FBXL7: variants seen among roughly 807,000 people sequenced by gnomAD.
FBXL7 encodes F-box and leucine rich repeat protein 7.
FBXL7 carries 12 observed loss-of-function variants against 38.3 expected under a neutral mutation model. That is an observed-to-expected ratio of 0.31 (90% CI 0.20 to 0.51). The LOEUF is 0.51. Among genes scored for constraint, FBXL7 ranks in the 20% least tolerant of loss-of-function variants. The pLI is 0.98. For missense variants in FBXL7, 567 were observed against 676.4 expected, an observed-to-expected ratio of 0.84 and a Z score of 1.79; for synonymous variants, 297 against 300.9, an observed-to-expected ratio of 0.99 and a Z score of 0.13.
At chr5:15,694,640 T>C (rs1327928081) in intron 2 of FBXL7, among the ~76,000 whole-genome samples, 1 of 152,228 alleles carries the variant, frequency 6.6e-6, no homozygotes, top group Non-Finnish European at 1.5e-5. Context: ...CACAGGAATA[T>C]AAGCTATTCT....
At chr5:15,920,455 G>A (rs1317196305) in intron 2 of FBXL7, among the ~76,000 whole-genome samples, 1 of 152,134 alleles carries the variant, frequency 6.6e-6, no homozygotes, top group Non-Finnish European at 1.5e-5. Context: ...GTCTATTGCT[G>A]TATATTCCTT....
chr5:15,728,091 T>A (rs1365065731), intron 2 of FBXL7, among the ~76,000 whole-genome samples: 1 of 152,190 alleles, frequency 6.6e-6, no homozygotes, highest in African/African-American at 2.4e-5. Flanking sequence ...ATATCTTTGT[T>A]GACATTTTCA....
chr5:15,815,626 A>G (rs2126758359), intron 2 of FBXL7, among the ~76,000 whole-genome samples: 1 of 152,316 alleles, frequency 6.6e-6, no homozygotes, highest in Non-Finnish European at 1.5e-5. Flanking sequence ...AGGACAGGAC[A>G]ATTTTGTGAG....
intron 1 of FBXL7, among the ~76,000 whole-genome samples, chr5:15,511,744 CTG>C (rs1207995418): frequency 1.3e-5 from 2 of 152,246 alleles, no homozygotes; most frequent in East Asian, 3.9e-4. Context: ...GGTGAGGAAA[CTG>C]AGGTCTTGGC....
intron 2 of FBXL7, among the ~76,000 whole-genome samples, chr5:15,619,900 C>A (rs1226166814): frequency 6.6e-6 from 1 of 152,142 alleles, no homozygotes; most frequent in African/African-American, 2.4e-5. Context: ...TGGTAGCTAA[C>A]CACACAGGTG....
At chr5:15,857,325 CATT>C (rs1739301013) in intron 2 of FBXL7, among the ~76,000 whole-genome samples, 1 of 152,114 alleles carries the variant, frequency 6.6e-6, no homozygotes, top group Non-Finnish European at 1.5e-5. Context: ...ATTTTAAACT[CATT>C]TAATTCTCAT....
At position 15,936,947 on chromosome 5, in the gene FBXL7, C is replaced by G. The variant is rs1283860199; in HGVS notation, c.1237C>G (p.Pro413Ala). 1.2e-6 allele frequency: 2 copies of G among 1,613,948 alleles called. No homozygotes were observed. Among genetic ancestry groups the G allele is most frequent in the African/African-American group, 2.7e-5 (2 of 74,950 alleles). ...CAAATCCCTGGATATCGGCAAATGC[C>G]CTTTGGTATCCGACACGGGCCTGGA... The part of the protein sequence containing the change: ...KLKSLDIGKC[P>A]LVSDTGLECL... Residue 413 changes from proline to alanine, a missense_variant, in exon 4 of 4, where the codon CCT becomes GCT. Pro to Ala is a conservative substitution (Grantham distance 27). Coordinates refer to ENST00000504595, the MANE Select transcript of FBXL7 (RefSeq NM_012304.5). The surrounding 1 kb of genome is among the most constrained non-coding windows in gnomAD (Gnocchi z 6.0).
rs117548314 is a variant in FBXL7 at position 15,669,751 on chromosome 5, A to G, written c.127+53679A>G. On this transcript the variant is annotated intron_variant, in intron 2 of 3. Transcript: ENST00000504595. ...CAGAGGACACAAACTAACACATACA[A>G]TGATCATTATTAATGTTAATGTGGA... Among the ~76,000 whole-genome samples the G allele has an allele frequency of 2.4e-4, 36 of 152,296 alleles. No homozygotes were observed. In the East Asian group the frequency reaches 6.0e-3, roughly 25 times the overall value.
chr5:15,904,368 G>A (rs769896404), intron 2 of FBXL7, among the ~76,000 whole-genome samples: 1 of 152,120 alleles, frequency 6.6e-6, no homozygotes, highest in African/African-American at 2.4e-5. Context: ...TTTGATTACA[G>A]AGCAATGCCA....
chr5:15,519,672 T>C (rs1737045339), intron 1 of FBXL7, among the ~76,000 whole-genome samples: 1 of 152,172 alleles, frequency 6.6e-6, no homozygotes, highest in African/African-American at 2.4e-5. Flanking sequence ...ATGAAAAATC[T>C]GAGAAAGAGT....
intron 1 of FBXL7, among the ~76,000 whole-genome samples, chr5:15,527,766 G>T (rs899038990): frequency 6.6e-6 from 1 of 152,138 alleles, no homozygotes; most frequent in Non-Finnish European, 1.5e-5. Context: ...TCGTAAAGTC[G>T]CAGGGAACTG....
At chr5:15,682,100 T>C (rs1314698411) in intron 2 of FBXL7, among the ~76,000 whole-genome samples, 1 of 152,178 alleles carries the variant, frequency 6.6e-6, no homozygotes, top group Non-Finnish European at 1.5e-5. Flanking sequence ...ACCAAGGTGG[T>C]CAGAGGCAGG....
chr5:15,904,935 A>T (rs1741319874), intron 2 of FBXL7, among the ~76,000 whole-genome samples: 2 of 152,188 alleles, frequency 1.3e-5, no homozygotes, highest in African/African-American at 4.8e-5. Flanking sequence ...GATGAGCCAG[A>T]ATCCACCATT....
intron 1 of FBXL7, among the ~76,000 whole-genome samples, chr5:15,560,087 A>T (rs931989748): frequency 1.3e-5 from 2 of 152,324 alleles, no homozygotes; most frequent in South Asian, 2.1e-4. Flanking sequence ...AATATCTTGC[A>T]TATTGTTTTT....
At chr5:15,926,249 T>C (rs912881242) in intron 2 of FBXL7, among the ~76,000 whole-genome samples, 1 of 150,746 alleles carries the variant, frequency 6.6e-6, no homozygotes, top group Non-Finnish European at 1.5e-5. Flanking sequence ...AATAAAACCA[T>C]ATATGTGGTA....
intron 1 of FBXL7, among the ~76,000 whole-genome samples, chr5:15,575,470 T>A (rs7734082): frequency 0.52 from 78,609 of 152,046 alleles, 20,849 homozygotes; most frequent in African/African-American, 0.62. Context: ...TTTCTGTTTT[T>A]AGTGATCAGA....
At chr5:15,641,500 C>T (rs1188021408) in intron 2 of FBXL7, among the ~76,000 whole-genome samples, 1 of 143,854 alleles carries the variant, frequency 7.0e-6, no homozygotes, top group African/African-American at 2.7e-5. Context: ...GTTATGACTG[C>T]CATTTTTTTT....
At chr5:15,585,406 T>C (rs562447757) in intron 1 of FBXL7, among the ~76,000 whole-genome samples, 1 of 152,316 alleles carries the variant, frequency 6.6e-6, no homozygotes, top group Non-Finnish European at 1.5e-5. Context: ...AGCTACCTAC[T>C]TACATGGAAA....
At chr5:15,602,207 T>G (rs938048838) in intron 1 of FBXL7, 7 of 152,188 alleles carry the variant, frequency 4.6e-5, no homozygotes, top group African/African-American at 1.7e-4. Context: ...AATAAATTTT[T>G]ATTATTTTCA....
Sources: allele counts gnomAD v4.1 joint callset (sites outside exome capture counted in the v4.1 genomes callset), GRCh38; gene constraint gnomAD v4.1.1; non-coding constraint Gnocchi (gnomAD v3.1); transcripts MANE v1.5; gene names NCBI Gene and HGNC (gene_info 2026-07-23, HGNC 2026-07-21).